The following SUN3 variants were observed in gnomAD, a reference collection of about 807,000 sequenced individuals.
The protein encoded by SUN3 is SUN domain-containing protein 3.
SUN3 carries 36 observed loss-of-function variants against 48.2 expected under a neutral mutation model. The ratio of observed to expected loss-of-function variants is 0.75; its 90% CI spans 0.57 to 0.99. The LOEUF (loss-of-function observed/expected upper bound fraction) is 0.99. Ranked by LOEUF, SUN3 falls within the 50% of genes least tolerant of loss-of-function variation. The pLI is 0.00. For synonymous variants in SUN3, 148 were observed against 147.9 expected (o/e 1.00, Z 0.00); for missense variants, 419 against 433.1 (o/e 0.97, Z 0.29).
rs574142081 is a variant in SUN3, at chr7:48,010,110, C to G, written c.289-1035G>C. 8.5e-5 allele frequency among the ~76,000 whole-genome samples: 13 copies of G among 152,280 alleles called. No homozygotes were observed. The South Asian group carries it at 2.5e-3, about 29-fold the overall frequency. On this transcript the variant is annotated intron_variant, in intron 3 of 9. Coordinates refer to ENST00000297325, the MANE Select transcript of SUN3 (RefSeq NM_001030019.2). ...TGAGACACACACACACAAACACACA[C>G]ACTCCACATACACATGCTTATACAC...
intron 8 of SUN3, 166 bp from the exon 9 acceptor site, chr7:47,989,046 A>G (rs1046447125): frequency 1.7e-5 from 8 of 472,608 alleles, no homozygotes; most frequent in Non-Finnish European, 3.0e-5. Context: ...CAAGGGGTCA[A>G]TGAGGCCCAA....
At chr7:48,019,876 C>A (rs1789917095) in intron 2 of SUN3, among the ~76,000 whole-genome samples, 1 of 149,760 alleles carries the variant, frequency 6.7e-6, no homozygotes, top group African/African-American at 2.5e-5. Context: ...TAATACCAAC[C>A]TTATGCAAAC....
chr7:48,009,017 G>A lies in SUN3; in HGVS notation c.329+18C>T, dbSNP rs761561957. 4 of 1,607,512 alleles carry A rather than the reference G, an allele frequency of 2.5e-6. No individual in the cohort carries two copies. Among genetic ancestry groups the A allele is most frequent in the Non-Finnish European group, 3.4e-6 (4 of 1,177,636 alleles). ...AAACCACACCAAAAAGAGGCATATAGCAAAAGATCGCACTCACTTTAAAAG... is the reference window on the plus strand; with the variant it reads ...AAACCACACCAAAAAGAGGCATATAACAAAAGATCGCACTCACTTTAAAAG... On this transcript the variant is annotated intron_variant, in intron 4 of 9. Transcript: ENST00000297325.
intron 3 of SUN3, among the ~76,000 whole-genome samples, chr7:48,009,911 A>C (rs75020856): frequency 0.042 from 6,305 of 151,804 alleles, 390 homozygotes; most frequent in African/African-American, 0.14. Context: ...ACTGAGAAGA[A>C]CTTGGGTCTG....
intron 1 of SUN3, among the ~76,000 whole-genome samples, chr7:48,028,304 C>G (rs1204866492): frequency 6.6e-6 from 1 of 150,920 alleles, no homozygotes; most frequent in Admixed American, 6.6e-5. Flanking sequence ...TATAATAATC[C>G]CCACATATGT....
intron 6 of SUN3, among the ~76,000 whole-genome samples, chr7:48,002,151 C>CTT (rs71006541): frequency 0.1 from 6,393 of 64,142 alleles, 1,629 homozygotes; most frequent in Non-Finnish European, 0.11. Context: ...TTGCATTTCT[C>CTT]TTTTTTTTTT....
chr7:47,987,306 G>T lies in SUN3; in HGVS notation c.*24C>A, dbSNP rs370514849. 56 of 1,601,664 alleles carry T rather than the reference G, an allele frequency of 3.5e-5. No homozygotes were observed. Among genetic ancestry groups the T allele is most frequent in the Non-Finnish European group, 4.3e-5 (51 of 1,174,262 alleles). ...CATTCTTGAATATTCTGGACATGTGGCATGGCCTTCTGTACCAACTCTTCT... is the reference window on the plus strand; with the variant it reads ...CATTCTTGAATATTCTGGACATGTGTCATGGCCTTCTGTACCAACTCTTCT... On this transcript the variant is annotated 3_prime_UTR_variant, in exon 10 of 10. Transcript: ENST00000297325.
At chr7:47,996,916 C>T (rs1463650608) in intron 6 of SUN3, among the ~76,000 whole-genome samples, 1 of 151,740 alleles carries the variant, frequency 6.6e-6, no homozygotes, top group Non-Finnish European at 1.5e-5. Flanking sequence ...ATTCTCCTGC[C>T]TCAGCCTCCC....
chr7:48,016,302 T>G (rs1274279920), intron 3 of SUN3, among the ~76,000 whole-genome samples: 1 of 152,134 alleles, frequency 6.6e-6, no homozygotes, highest in East Asian at 1.9e-4. Flanking sequence ...CCTCAAATGC[T>G]CAGGGACACT....
the SUN3 span, among the ~76,000 whole-genome samples, chr7:48,035,238 C>T: frequency 9.7e-4 from 147 of 152,314 alleles, no homozygotes; most frequent in African/African-American, 3.5e-3. The surrounding 1 kb of genome is among the most constrained non-coding windows in gnomAD (Gnocchi z 4.0). Flanking sequence ...TGACTCTCTT[C>T]CTGCGTCCAC....
intron 6 of SUN3, 71 bp from the exon 7 acceptor site, chr7:47,996,217 A>T (rs1789207362): frequency 2.3e-6 from 2 of 858,362 alleles, no homozygotes; most frequent in Non-Finnish European, 3.6e-6. Flanking sequence ...TTTGAATTTT[A>T]ACAATGTCTC....
At position 47,994,457 on chromosome 7, in the gene SUN3, CA is replaced by C. The variant is rs757155390; in HGVS notation, c.718del (p.Trp240GlyfsTer11). 278 of 1,603,974 alleles carry C rather than the reference CA, an allele frequency of 1.7e-4. No individual in the cohort carries two copies. Among genetic ancestry groups the C allele is most frequent in the Non-Finnish European group, 2.3e-4 (269 of 1,176,976 alleles). On this transcript the variant is annotated frameshift_variant, in exon 8 of 10. Transcript: ENST00000297325. LOFTEE classifies it high-confidence loss of function. ...LQPDVYPGKC[W>X]AFPGSQGHTL... Reference sequence around the variant, plus strand: ...ATGACCCTGGGAACCTGGAAAAGCCCAGCACTTTCCAGGGTAGACATCCGGC... The same window carrying C: ...ATGACCCTGGGAACCTGGAAAAGCCCGCACTTTCCAGGGTAGACATCCGGC...
chr7:48,024,371 G>A (rs764097725), intron 2 of SUN3, among the ~76,000 whole-genome samples: 56 of 152,078 alleles, frequency 3.7e-4, no homozygotes, highest in African/African-American at 1.2e-3. Flanking sequence ...TAATGGACAT[G>A]TCTCCAAGGA....
At chr7:47,998,665 C>G (rs1332784731) in intron 6 of SUN3, among the ~76,000 whole-genome samples, 2 of 151,772 alleles carry the variant, frequency 1.3e-5, no homozygotes, top group South Asian at 2.1e-4. Context: ...TTTTTTCTAG[C>G]TTTAAGCTTT....
chr7:48,009,446 C>T (rs559746890), intron 3 of SUN3, among the ~76,000 whole-genome samples: 4 of 152,086 alleles, frequency 2.6e-5, no homozygotes, highest in South Asian at 2.1e-4. Context: ...GCGGGAGAGG[C>T]GCCCCTGGTG....
intron 3 of SUN3, among the ~76,000 whole-genome samples, chr7:48,012,593 T>C (rs1344197296): frequency 6.6e-6 from 1 of 152,208 alleles, no homozygotes; most frequent in Non-Finnish European, 1.5e-5. Flanking sequence ...CTACAAACTA[T>C]AGTGATTGCA....
Position 48,007,280 on chromosome 7 carries a change from A to T in SUN3, c.377T>A (p.Leu126Ter). 6.2e-7 allele frequency: 1 copy of T among 1,614,136 alleles called. No homozygotes were observed. Among genetic ancestry groups the T allele is most frequent in the Non-Finnish European group, 8.5e-7 (1 of 1,179,988 alleles). The change falls in exon 5 of 10, where the codon TTG (leucine) becomes TAG (stop). Residue 126 changes from leucine to a stop codon, truncating the protein, a stop_gained. Transcript: ENST00000297325. LOFTEE classifies it high-confidence loss of function. ...LENNFRQILF[L>*]IEQIDVLKAL... Reference sequence around the variant, plus strand: ...CTTCAGGACATCTATTTGTTCGATCAAAAATAGAATTTGACGAAAATTGTT... The same window carrying T: ...CTTCAGGACATCTATTTGTTCGATCTAAAATAGAATTTGACGAAAATTGTT...
intron 6 of SUN3, among the ~76,000 whole-genome samples, chr7:48,001,867 T>A (rs997384001): frequency 6.6e-6 from 1 of 152,224 alleles, no homozygotes; most frequent in African/African-American, 2.4e-5. Context: ...TGAATAGTGC[T>A]GCAGTGAACA....
chr7:48,025,328 C>CT lies in SUN3; in HGVS notation c.184+548dup, dbSNP rs151026557. Among the ~76,000 whole-genome samples the CT allele has an allele frequency of 2.5e-3, 376 of 152,228 alleles. 6 individuals are homozygous for CT. The East Asian group carries it at 0.067, about 27-fold the overall frequency. ...TAAGAAAGATCACATGCTATATGATCTTTTTTGTAACAATAACTGGGTTGA... is the reference window on the plus strand; with the variant it reads ...TAAGAAAGATCACATGCTATATGATCTTTTTTTGTAACAATAACTGGGTTGA... On this transcript the variant is annotated intron_variant, in intron 2 of 9. Transcript: ENST00000297325.
Sources: allele counts gnomAD v4.1 joint callset (sites outside exome capture counted in the v4.1 genomes callset), GRCh38; gene constraint gnomAD v4.1.1; non-coding constraint Gnocchi (gnomAD v3.1); transcripts MANE v1.5; gene names NCBI Gene and HGNC (gene_info 2026-07-23, HGNC 2026-07-21).